The following USP6NL variants were observed in gnomAD, a reference collection of about 807,000 sequenced individuals.
The protein encoded by USP6NL is USP6 N-terminal like, also known as USP6 N-terminal-like protein.
Under a neutral mutation model 61.9 loss-of-function variants are expected in USP6NL, and 26 were observed. The ratio of observed to expected loss-of-function variants is 0.42; its 90% CI spans 0.31 to 0.58. The LOEUF (loss-of-function observed/expected upper bound fraction) is 0.58, where lower values mean the gene tolerates loss of function less well. Ranked by LOEUF, USP6NL falls within the 20% of genes least tolerant of loss-of-function variation. The probability of loss-of-function intolerance (pLI) is 0.16; values close to 1 mark genes in which losing one functional copy is unlikely to be tolerated. For synonymous variants in USP6NL, 432 were observed against 390.1 expected (o/e 1.11, Z -1.27); for missense variants, 1,114 against 1,034.3 (o/e 1.08, Z -1.06).
intron 2 of USP6NL, among the ~76,000 whole-genome samples, chr10:11,536,050 A>G (rs1835819459): frequency 6.6e-6 from 1 of 152,196 alleles, no homozygotes; most frequent in South Asian, 2.1e-4. Flanking sequence ...ACAAAAAATA[A>G]AGGAAGGTAC....
chr10:11,570,921 T>G (rs1837333516), intron 2 of USP6NL, among the ~76,000 whole-genome samples: 1 of 152,158 alleles, frequency 6.6e-6, no homozygotes, highest in Admixed American at 6.5e-5. Flanking sequence ...TACATTGTCT[T>G]AACTCTGCCC....
At chr10:11,568,741 T>C (rs976317746) in intron 2 of USP6NL, among the ~76,000 whole-genome samples, 7 of 152,202 alleles carry the variant, frequency 4.6e-5, no homozygotes. Context: ...TTCTCCCCCA[T>C]ATTGCTTTTG....
intron 2 of USP6NL, chr10:11,565,085 G>A (rs1234417648): frequency 1.3e-5 from 2 of 152,134 alleles, no homozygotes; most frequent in African/African-American, 2.4e-5. Flanking sequence ...TTTTTCTCAC[G>A]TGAAGTTAAT....
At chr10:11,472,855 G>A (rs1256646115) in intron 14 of USP6NL, among the ~76,000 whole-genome samples, 1 of 151,990 alleles carries the variant, frequency 6.6e-6, no homozygotes, top group African/African-American at 2.4e-5. Context: ...AAAGTTAAAG[G>A]AAAAAGAGAC....
chr10:11,556,880 C>T (rs1240940425), intron 2 of USP6NL, among the ~76,000 whole-genome samples: 2 of 152,178 alleles, frequency 1.3e-5, no homozygotes, highest in African/African-American at 4.8e-5. Context: ...CAATCACATC[C>T]AGTCTTTTGA....
chr10:11,580,814 G>A (rs1010655390), intron 2 of USP6NL, among the ~76,000 whole-genome samples: 3 of 152,092 alleles, frequency 2.0e-5, no homozygotes, highest in East Asian at 1.9e-4. Flanking sequence ...GATTTCACTC[G>A]TTGGATGGAT....
In USP6NL at chr10:11,470,894, A is replaced by AG. The variant is rs1429299600; in HGVS notation, c.1079-7046dup. Among the ~76,000 whole-genome samples the AG allele has an allele frequency of 6.6e-6, 1 of 152,214 alleles. No individual in the cohort carries two copies. The highest frequency in any genetic ancestry group is 1.9e-4 in the East Asian group (1 of 5,202). ...TTCCCTTTCCTCTCCCTAAAAACAC[A>AG]GGAATTGGAGGCCTGGCGTGGTGGC... On this transcript the variant is annotated intron_variant, in intron 14 of 14. Coordinates refer to ENST00000609104, the MANE Select transcript of USP6NL (RefSeq NM_014688.5). This position sits in a 1 kb window ranked among gnomAD's most constrained non-coding sequence, Gnocchi z 5.4.
In USP6NL at chr10:11,553,352, A is replaced by G. The variant is rs558111090; in HGVS notation, c.5-25785T>C. ...ACTGAAATTCAAATCTTTCTCTAAA[A>G]TAATACTCCTCTCACTAACTTCAGC... On this transcript the variant is annotated intron_variant, in intron 2 of 14. Transcript: ENST00000609104. The surrounding 1 kb of genome is among the most constrained non-coding windows in gnomAD (Gnocchi z 4.8). Among the ~76,000 whole-genome samples the G allele has an allele frequency of 3.4e-4, 52 of 152,350 alleles. 1 individual carries two copies. In the South Asian group the frequency reaches 0.01, roughly 30 times the overall value.
chr10:11,586,723 T>C (rs552588700), intron 2 of USP6NL, among the ~76,000 whole-genome samples: 7 of 152,164 alleles, frequency 4.6e-5, no homozygotes, highest in Non-Finnish European at 7.4e-5. Flanking sequence ...TTGTGGAAAA[T>C]GAAGAAAATC....
At position 11,587,553 on chromosome 10, in the gene USP6NL, G is replaced by GA. The variant is rs1838017706; in HGVS notation, c.4+10077dup. On this transcript the variant is annotated intron_variant, in intron 2 of 14. Coordinates refer to ENST00000609104, the MANE Select transcript of USP6NL (RefSeq NM_014688.5). The surrounding 1 kb of genome is among the most constrained non-coding windows in gnomAD (Gnocchi z 4.5). ...TCCATTTATTCTATTTTTGGCTAAA[G>GA]AAAATGTATCAGGACAAAGAGGCAC... 6.6e-6 allele frequency among the ~76,000 whole-genome samples: 1 copy of GA among 152,118 alleles called. No homozygotes were observed. Among genetic ancestry groups the GA allele is most frequent in the Non-Finnish European group, 1.5e-5 (1 of 68,004 alleles).
intron 14 of USP6NL, among the ~76,000 whole-genome samples, chr10:11,466,121 A>G (rs1245071102): frequency 6.6e-6 from 1 of 152,218 alleles, no homozygotes. Context: ...TGTGGTCACC[A>G]ATTTATTCCT....
In USP6NL at chr10:11,476,544, C is replaced by T. The variant is rs1832974246; in HGVS notation, c.1078+5226G>A. Reference sequence around the variant, plus strand: ...TAAAATAAAGGTACAAAAATGCTAACAATAGTTAAATCTATGAGGTGGGCA... The same window carrying T: ...TAAAATAAAGGTACAAAAATGCTAATAATAGTTAAATCTATGAGGTGGGCA... On this transcript the variant is annotated intron_variant, in intron 14 of 14. Transcript: ENST00000609104. This position sits in a 1 kb window ranked among gnomAD's most constrained non-coding sequence, Gnocchi z 4.3. Among the ~76,000 whole-genome samples, 1 of 152,108 alleles carries T rather than the reference C, an allele frequency of 6.6e-6. No homozygotes were observed. The highest frequency in any genetic ancestry group is 1.5e-5 in the Non-Finnish European group (1 of 68,010).
Position 11,496,486 on chromosome 10 carries a change from T to C in USP6NL, c.385-3258A>G, listed in dbSNP as rs1025986504. 1.3e-5 allele frequency among the ~76,000 whole-genome samples: 2 copies of C among 152,224 alleles called. No individual in the cohort carries two copies. The highest frequency in any genetic ancestry group is 2.9e-5 in the Non-Finnish European group (2 of 68,036). On this transcript the variant is annotated intron_variant, in intron 7 of 14. Coordinates refer to ENST00000609104, the MANE Select transcript of USP6NL (RefSeq NM_014688.5). The surrounding 1 kb of genome is among the most constrained non-coding windows in gnomAD (Gnocchi z 5.4). Reference sequence around the variant, plus strand: ...AGCATCTCCCATTTTCTTATTTCTGTGGGTTTGCCTTTTTATAATAAAAAC... The same window carrying C: ...AGCATCTCCCATTTTCTTATTTCTGCGGGTTTGCCTTTTTATAATAAAAAC...
rs921026438 is a variant in USP6NL at position 11,537,742 on chromosome 10, G to A, written c.5-10175C>T. ...CTAGCTTGGCCTCCCCTTTCCCTAT[G>A]GTGAGCACTGCCGGGGTGGAAGGAC... On this transcript the variant is annotated intron_variant, in intron 2 of 14. Coordinates refer to ENST00000609104, the MANE Select transcript of USP6NL (RefSeq NM_014688.5). The surrounding 1 kb of genome is among the most constrained non-coding windows in gnomAD (Gnocchi z 5.1). Among the ~76,000 whole-genome samples the A allele has an allele frequency of 1.2e-4, 18 of 152,304 alleles. No individual in the cohort carries two copies. Among genetic ancestry groups the A allele is most frequent in the Non-Finnish European group, 1.8e-4 (12 of 68,034 alleles).
chr10:11,546,950 T>G (rs1350276152), intron 2 of USP6NL, among the ~76,000 whole-genome samples: 1 of 152,240 alleles, frequency 6.6e-6, no homozygotes, highest in Non-Finnish European at 1.5e-5. Context: ...ATGCAAACTT[T>G]AATTTTCCCC....
In USP6NL at chr10:11,607,459, G is replaced by A. The variant is rs561326588; in HGVS notation, c.-84+3984C>T. 2.6e-5 allele frequency among the ~76,000 whole-genome samples: 4 copies of A among 152,288 alleles called. No individual in the cohort carries two copies. The South Asian group carries it at 6.2e-4, about 24-fold the overall frequency. ...AGCACTTTGGGAGGCTGAGGCAGGA[G>A]GATCACTTGAGCCTAGGAATTCAAG... On this transcript the variant is annotated intron_variant, in intron 1 of 14. Transcript: ENST00000609104.
Position 11,490,099 on chromosome 10 carries a change from T to C in USP6NL, c.543+733A>G, listed in dbSNP as rs1223113424. Among the ~76,000 whole-genome samples, 3 of 152,226 alleles carry C rather than the reference T, an allele frequency of 2.0e-5. No homozygotes were observed. The highest frequency in any genetic ancestry group is 1.3e-4 in the Admixed American group (2 of 15,278). ...TCCAATTCCGGTGAGGCCCAACTAGTGCTTCCTTCCTATGAGATGTCCCTT... is the reference window on the plus strand; with the variant it reads ...TCCAATTCCGGTGAGGCCCAACTAGCGCTTCCTTCCTATGAGATGTCCCTT... On this transcript the variant is annotated intron_variant, in intron 9 of 14. Coordinates refer to ENST00000609104, the MANE Select transcript of USP6NL (RefSeq NM_014688.5). This position sits in a 1 kb window ranked among gnomAD's most constrained non-coding sequence, Gnocchi z 4.5.
Position 11,562,754 on chromosome 10 carries a change from C to T in USP6NL, c.4+34877G>A, listed in dbSNP as rs1215781653. On this transcript the variant is annotated intron_variant, in intron 2 of 14. Coordinates refer to ENST00000609104, the MANE Select transcript of USP6NL (RefSeq NM_014688.5). This position sits in a 1 kb window ranked among gnomAD's most constrained non-coding sequence, Gnocchi z 4.8. ...TGATCTAAAAACGTGGAATTCCACA[C>T]AGTACAATCATAAGTGAATTGCCTA... 2.0e-6 allele frequency: 2 copies of T among 985,176 alleles called. No homozygotes were observed. Among genetic ancestry groups the T allele is most frequent in the Non-Finnish European group, 2.4e-6 (2 of 829,854 alleles). 61.0% of individuals were successfully genotyped at this position (985,176 alleles called of 1,614,324 possible). A position where few individuals can be genotyped will look rare whatever the true frequency, so the allele number is the denominator to read the frequency against.
At chr10:11,522,249 C>A (rs543937246) in intron 4 of USP6NL, among the ~76,000 whole-genome samples, 3 of 152,162 alleles carry the variant, frequency 2.0e-5, no homozygotes, top group Non-Finnish European at 4.4e-5. Flanking sequence ...ACAAAGGTTG[C>A]AAAGTTATTT....
Sources: gnomAD v4.1 joint callset for allele counts (sites outside exome capture counted in the v4.1 genomes callset) on GRCh38, gnomAD v4.1.1 for gene constraint, Gnocchi (gnomAD v3.1) non-coding constraint, MANE v1.5 for transcripts, NCBI Gene and HGNC (gene_info 2026-07-23, HGNC 2026-07-21) for gene names.